DNAJC3: variants seen among roughly 807,000 people sequenced by gnomAD.
The protein encoded by DNAJC3 is DnaJ heat shock protein family (Hsp40) member C3.
DNAJC3 carries 38 observed loss-of-function variants against 68.6 expected under a neutral mutation model. That is an observed-to-expected ratio of 0.55 (90% CI 0.43 to 0.73). The LOEUF (loss-of-function observed/expected upper bound fraction) is 0.73, where lower values mean the gene tolerates loss of function less well. DNAJC3 is among the 30% of genes least tolerant of loss of function. The pLI, the probability that DNAJC3 is intolerant of heterozygous loss-of-function variation, is 0.00. For synonymous variants in DNAJC3, 203 were observed against 204.0 expected (o/e 1.00, Z 0.04); for missense variants, 526 against 591.9 (o/e 0.89, Z 1.16).
chr13:95,785,251 C>A (rs940766587), intron 9 of DNAJC3, among the ~76,000 whole-genome samples: 1 of 151,924 alleles, frequency 6.6e-6, no homozygotes, highest in Admixed American at 6.6e-5. Flanking sequence ...TTTTCTTTAT[C>A]ACTGTCTTTC....
intron 9 of DNAJC3, among the ~76,000 whole-genome samples, chr13:95,770,966 T>G (rs1033266976): frequency 2.0e-5 from 3 of 152,128 alleles, no homozygotes; most frequent in Non-Finnish European, 4.4e-5. Flanking sequence ...TATGAGAAAT[T>G]TCAAATAAAG....
At chr13:95,699,912 G>A (rs1880541206) in intron 1 of DNAJC3, among the ~76,000 whole-genome samples, 1 of 152,034 alleles carries the variant, frequency 6.6e-6, no homozygotes, top group South Asian at 2.1e-4. Context: ...GTAGCACCTG[G>A]CCTCAAGTGA....
At chr13:95,742,602 C>G in intron 4 of DNAJC3, 1 of 488,222 alleles carries the variant, frequency 2.0e-6, no homozygotes, top group South Asian at 1.5e-5. Context: ...GCCAAGCAGG[C>G]TGCCTCACTT....
chr13:95,746,277 G>C (rs965893163), intron 4 of DNAJC3, among the ~76,000 whole-genome samples: 16 of 152,198 alleles, frequency 1.1e-4, no homozygotes, highest in Admixed American at 7.2e-4. Context: ...ATATTTGCTT[G>C]AATGTGGATA....
intron 4 of DNAJC3, among the ~76,000 whole-genome samples, chr13:95,756,542 A>T (rs1882667011): frequency 6.6e-6 from 1 of 152,218 alleles, no homozygotes; most frequent in Non-Finnish European, 1.5e-5. Flanking sequence ...AAAGTTTCTC[A>T]TTTGGAGTGT....
At chr13:95,723,049 T>TGA (rs1881387341) in intron 2 of DNAJC3, among the ~76,000 whole-genome samples, 193 bp from the exon 3 acceptor site, 1 of 152,002 alleles carries the variant, frequency 6.6e-6, no homozygotes, top group South Asian at 2.1e-4. Context: ...GGGCTGTACT[T>TGA]TGCTGACCCC....
intron 1 of DNAJC3, among the ~76,000 whole-genome samples, chr13:95,689,444 A>C (rs1420232293): frequency 6.7e-6 from 1 of 148,836 alleles, no homozygotes; most frequent in Non-Finnish European, 1.5e-5. Context: ...ATGAGTTGTC[A>C]CCTTTCTCAT....
intron 2 of DNAJC3, among the ~76,000 whole-genome samples, chr13:95,710,642 G>T (rs1761560261): frequency 6.6e-6 from 1 of 152,014 alleles, no homozygotes; most frequent in Non-Finnish European, 1.5e-5. Context: ...AGAGTGTGTA[G>T]TTAACAACCG....
intron 11 of DNAJC3, 123 bp downstream of exon 11, chr13:95,787,278 G>A (rs2289813): frequency 0.051 from 64,244 of 1,262,172 alleles, 2,594 homozygotes; most frequent in East Asian, 0.19. Flanking sequence ...CCCAGTTCCA[G>A]AGGTCCAGTT....
At chr13:95,709,362 T>A in intron 2 of DNAJC3, 25 bp downstream of exon 2, 1 of 1,533,748 alleles carries the variant, frequency 6.5e-7, no homozygotes, top group Non-Finnish European at 8.8e-7. Context: ...ACCAAATCAC[T>A]CAGTGTCTGT....
intron 1 of DNAJC3, chr13:95,694,453 C>T (rs1880371916): frequency 6.6e-6 from 1 of 152,548 alleles, no homozygotes; most frequent in Admixed American, 6.6e-5. Context: ...CCTACAAATC[C>T]TATAACCAAA....
At chr13:95,788,527 G>A (rs535415436) in intron 11 of DNAJC3, among the ~76,000 whole-genome samples, 13 of 152,278 alleles carry the variant, frequency 8.5e-5, no homozygotes, top group African/African-American at 1.7e-4. Flanking sequence ...ATATCAAGAC[G>A]TGTCATATTT....
intron 1 of DNAJC3, among the ~76,000 whole-genome samples, chr13:95,691,291 T>G (rs986412248): frequency 6.8e-6 from 1 of 148,048 alleles, no homozygotes; most frequent in Non-Finnish European, 1.5e-5. Context: ...GCTCCTCACT[T>G]CTCAGACGGG....
intron 1 of DNAJC3, among the ~76,000 whole-genome samples, chr13:95,704,790 T>C (rs58498169): frequency 0.068 from 10,369 of 151,896 alleles, 484 homozygotes; most frequent in East Asian, 0.18. Context: ...TCAGATGCTC[T>C]GCAGTAGCTT....
intron 1 of DNAJC3, among the ~76,000 whole-genome samples, chr13:95,682,421 G>A (rs1360520976): frequency 1.3e-5 from 2 of 151,864 alleles, no homozygotes; most frequent in East Asian, 3.9e-4. Flanking sequence ...GCCTCCTTTA[G>A]TCTGGTTCTT....
intron 4 of DNAJC3, among the ~76,000 whole-genome samples, chr13:95,755,756 CAAAAAAAAAAAAAAAAAA>C (rs56659621): frequency 1.3e-4 from 2 of 15,086 alleles, no homozygotes; most frequent in African/African-American, 3.2e-4. Context: ...GACGCCGTCT[CAAAAAAAAAAAAAAAAAA>C]AAAAAAAAAA....
At chr13:95,699,554 G>A (rs1329603526) in intron 1 of DNAJC3, among the ~76,000 whole-genome samples, 1 of 152,188 alleles carries the variant, frequency 6.6e-6, no homozygotes, top group Non-Finnish European at 1.5e-5. Flanking sequence ...ACTGTGGAAA[G>A]CTTACCCTGG....
At chr13:95,689,090 C>A (rs1471516456) in intron 1 of DNAJC3, among the ~76,000 whole-genome samples, 2 of 148,286 alleles carry the variant, frequency 1.3e-5, no homozygotes, top group Non-Finnish European at 3.0e-5. Context: ...CAGGTTGATA[C>A]TGGTTTCATA....
intron 6 of DNAJC3, 151 bp downstream of exon 6, chr13:95,760,372 T>C (rs1882787557): frequency 1.2e-6 from 1 of 813,400 alleles, no homozygotes. Context: ...TTTTGTGTTA[T>C]TCCCAAGTTA....
Sources: allele counts gnomAD v4.1 joint callset (sites outside exome capture counted in the v4.1 genomes callset), GRCh38; gene constraint gnomAD v4.1.1; transcripts MANE v1.5; gene names NCBI Gene and HGNC (gene_info 2026-07-23, HGNC 2026-07-21).